The following PCDH15 variants were observed in gnomAD, a reference collection of about 807,000 sequenced individuals.
PCDH15 encodes the protein protocadherin related 15.
A neutral mutation model predicts 178.5 loss-of-function variants in PCDH15; 129 were observed. The ratio of observed to expected loss-of-function variants is 0.72; its 90% CI spans 0.63 to 0.84. The LOEUF (loss-of-function observed/expected upper bound fraction) is 0.84, where lower values mean the gene tolerates loss of function less well. Among genes scored for constraint, PCDH15 ranks in the 40% least tolerant of loss-of-function variants. PCDH15 has a pLI of 0.00. For synonymous variants in PCDH15, 800 were observed against 732.0 expected (o/e 1.09, Z -1.50); for missense variants, 2,230 against 2,099.9 (o/e 1.06, Z -1.21).
chr10:55,380,897 G>A (rs1195274126), intron 2 of PCDH15, among the ~76,000 whole-genome samples: 2 of 152,160 alleles, frequency 1.3e-5, no homozygotes, highest in East Asian at 1.9e-4. Context: ...GTGAGATACA[G>A]AGACACAGAT....
chr10:55,599,807 CT>C, intron 2 of PCDH15: 1 of 649,378 alleles, frequency 1.5e-6, no homozygotes. Flanking sequence ...ATTAGAGGCA[CT>C]GCCTGCTCAG....
intron 1 of PCDH15, among the ~76,000 whole-genome samples, chr10:55,244,572 TACAC>T (rs779150750): frequency 1.5e-5 from 2 of 131,162 alleles, no homozygotes; most frequent in Admixed American, 1.5e-4. Context: ...ACTGAACTTA[TACAC>T]ACACACACAC....
At position 54,712,406 on chromosome 10, in the gene PCDH15, C is replaced by T. The variant is rs11004465; in HGVS notation, c.-28-48116G>A. On this transcript the variant is annotated intron_variant, in intron 1 of 37. Transcript: ENST00000644397. ...AAGACACAACAAGCAGTAGAAGAGA[C>T]ATATGAAGAAATACTACACTGATGG... 9.2e-3 allele frequency among the ~76,000 whole-genome samples: 1,391 copies of T among 151,622 alleles called. 21 individuals are homozygous for T. Among genetic ancestry groups the T allele is most frequent in the East Asian group, 0.055 (283 of 5,124 alleles).
chr10:55,102,685 A>G (rs1308858412), intron 2 of PCDH15, among the ~76,000 whole-genome samples: 1 of 152,138 alleles, frequency 6.6e-6, no homozygotes, highest in Non-Finnish European at 1.5e-5. Context: ...GCAGGGGTTA[A>G]GGCACTGATC....
At chr10:54,927,145 T>C (rs1259666541) in intron 2 of PCDH15, among the ~76,000 whole-genome samples, 1 of 152,118 alleles carries the variant, frequency 6.6e-6, no homozygotes, top group Non-Finnish European at 1.5e-5. Context: ...TGTATACTTG[T>C]TCTGATTGGT....
intron 7 of PCDH15, among the ~76,000 whole-genome samples, chr10:54,324,733 A>G: frequency 6.6e-6 from 1 of 152,184 alleles, no homozygotes; most frequent in Admixed American, 6.6e-5. Context: ...CCCCTGCACT[A>G]CAGCCTGGGT....
intron 5 of PCDH15, among the ~76,000 whole-genome samples, chr10:54,359,554 T>A (rs1945657861): frequency 6.6e-6 from 1 of 152,020 alleles, no homozygotes; most frequent in Non-Finnish European, 1.5e-5. Flanking sequence ...GAATATATCA[T>A]TTAATATAAG....
chr10:54,901,111 A>AAAC (rs1554812192), intron 2 of PCDH15, among the ~76,000 whole-genome samples: 1 of 151,382 alleles, frequency 6.6e-6, no homozygotes, highest in East Asian at 2.0e-4. Flanking sequence ...CTCAGAAGTT[A>AAAC]AACAGCCTGG....
At chr10:53,971,576 C>A (rs1426612866) in intron 21 of PCDH15, among the ~76,000 whole-genome samples, 2 of 152,144 alleles carry the variant, frequency 1.3e-5, no homozygotes, top group Non-Finnish European at 2.9e-5. Context: ...AGCTGATAAG[C>A]AACTTCAGCA....
rs150115912 is a variant in PCDH15, at chr10:55,249,566, T to C, written c.-156+70033A>G. Among the ~76,000 whole-genome samples, 352 of 152,234 alleles carry C rather than the reference T, an allele frequency of 2.3e-3. 1 individual carries two copies. Among genetic ancestry groups the C allele is most frequent in the African/African-American group, 8.0e-3 (332 of 41,560 alleles). On this transcript the variant is annotated intron_variant, in intron 1 of 5. Coordinates refer to the PCDH15 transcript ENST00000458638. ...CCCAGTAAAAAAGGGAAAATAAAAG[T>C]AATTATCAAACACAATCTGCTGAAT...
chr10:54,230,481 A>G (rs2053939871), intron 9 of PCDH15, among the ~76,000 whole-genome samples: 1 of 152,204 alleles, frequency 6.6e-6, no homozygotes, highest in African/African-American at 2.4e-5. Flanking sequence ...TACACAATAG[A>G]AGAAATGTTG....
At chr10:54,474,804 T>C (rs2136766647) in intron 3 of PCDH15, among the ~76,000 whole-genome samples, 1 of 152,134 alleles carries the variant, frequency 6.6e-6, no homozygotes, top group South Asian at 2.1e-4. Context: ...AACACTGATT[T>C]TGATAAAATG....
In PCDH15 at chr10:55,152,325, G is replaced by T. The variant is rs12255522; in HGVS notation, c.-80+14251C>A. 7.6e-3 allele frequency among the ~76,000 whole-genome samples: 1,142 copies of T among 150,050 alleles called. 14 individuals are homozygous for T. The highest frequency in any genetic ancestry group is 0.023 in the African/African-American group (936 of 40,334). ...ATGAGTCACATAATAGGTCCGTATA[G>T]GTTTTGCCATGTGGCAAATTACCAA... is the stretch of plus-strand genomic sequence containing the variant. On this transcript the variant is annotated intron_variant, in intron 2 of 5. Transcript: ENST00000458638.
chr10:54,733,009 C>T (rs1943613428), intron 1 of PCDH15, among the ~76,000 whole-genome samples: 1 of 151,476 alleles, frequency 6.6e-6, no homozygotes, highest in Admixed American at 6.6e-5. Context: ...ACTATAAGTA[C>T]TTCCTTAACC....
intron 18 of PCDH15, among the ~76,000 whole-genome samples, chr10:54,055,640 C>T (rs565666631): frequency 3.3e-5 from 5 of 152,170 alleles, no homozygotes; most frequent in Non-Finnish European, 7.4e-5. Context: ...CTGATATTAG[C>T]TGAAAGCCTT....
chr10:55,162,218 G>A (rs17610038), intron 2 of PCDH15, among the ~76,000 whole-genome samples: 2,969 of 152,176 alleles, frequency 0.02, 47 homozygotes, highest in Middle Eastern at 0.075. Context: ...AGAACTTCCC[G>A]TATTTGCTTA....
intron 14 of PCDH15, among the ~76,000 whole-genome samples, chr10:54,146,601 A>T (rs1181336365): frequency 6.6e-6 from 1 of 151,908 alleles, no homozygotes; most frequent in East Asian, 1.9e-4. Context: ...AAAAAAAGTA[A>T]AACAAAACAC....
chr10:55,440,183 G>A (rs1178244302), intron 2 of PCDH15, among the ~76,000 whole-genome samples: 1 of 152,096 alleles, frequency 6.6e-6, no homozygotes, highest in Admixed American at 6.6e-5. Context: ...AGGGATATCT[G>A]ACAAGTTATA....
chr10:55,454,375 G>A (rs1839502275), intron 2 of PCDH15, among the ~76,000 whole-genome samples: 1 of 151,892 alleles, frequency 6.6e-6, no homozygotes. Flanking sequence ...CCAATTTAAA[G>A]GGGATTACAG....
Sources: gnomAD v4.1 joint callset for allele counts (sites outside exome capture counted in the v4.1 genomes callset) on GRCh38, gnomAD v4.1.1 for gene constraint, MANE v1.5 for transcripts, NCBI Gene and HGNC (gene_info 2026-07-23, HGNC 2026-07-21) for gene names.